PSPC1: variants seen among roughly 807,000 people sequenced by gnomAD.
The protein encoded by PSPC1 is paraspeckle protein 1.
PSPC1 carries 14 observed loss-of-function variants against 51.6 expected under a neutral mutation model. The ratio of observed to expected loss-of-function variants is 0.27; its 90% CI spans 0.18 to 0.42. The LOEUF (loss-of-function observed/expected upper bound fraction) is 0.42, where lower values mean the gene tolerates loss of function less well. Ranked by LOEUF, PSPC1 falls within the 10% of genes least tolerant of loss-of-function variation. PSPC1 has a pLI of 1.00. For synonymous variants in PSPC1, 193 were observed against 231.9 expected (o/e 0.83, Z 1.53); for missense variants, 406 against 701.1 (o/e 0.58, Z 4.75).
intron 2 of PSPC1, among the ~76,000 whole-genome samples, chr13:19,768,289 A>T (rs973641804): frequency 6.6e-6 from 1 of 152,086 alleles, no homozygotes; most frequent in Non-Finnish European, 1.5e-5. Flanking sequence ...ACTGGCAGGA[A>T]GATTTATAAT....
intron 3 of PSPC1, among the ~76,000 whole-genome samples, chr13:19,758,175 T>C (rs1266582539): frequency 6.6e-6 from 1 of 151,874 alleles, no homozygotes; most frequent in Admixed American, 6.6e-5. Flanking sequence ...TAGCCAGGCA[T>C]GGTGGTGGGC....
intron 1 of PSPC1, among the ~76,000 whole-genome samples, chr13:19,774,173 T>C (rs149975928): frequency 7.3e-4 from 111 of 152,310 alleles, no homozygotes; most frequent in African/African-American, 2.5e-3. Flanking sequence ...AAAGTTGGTG[T>C]AGAATATGGG....
At chr13:19,750,082 T>C (rs1319138969) in intron 4 of PSPC1, among the ~76,000 whole-genome samples, 1 of 152,094 alleles carries the variant, frequency 6.6e-6, no homozygotes, top group Non-Finnish European at 1.5e-5. Context: ...CAAGTGAGAA[T>C]TTACCCAAAA....
intron 6 of PSPC1, among the ~76,000 whole-genome samples, chr13:19,689,394 T>TC (rs1352528370): frequency 3.3e-5 from 5 of 152,280 alleles, no homozygotes; most frequent in Admixed American, 1.3e-4. Flanking sequence ...ATAGATTAGC[T>TC]ATATAGAAAA....
chr13:19,707,348 A>T (rs1479964421), intron 7 of PSPC1, among the ~76,000 whole-genome samples: 4 of 152,182 alleles, frequency 2.6e-5, no homozygotes, highest in Non-Finnish European at 5.9e-5. Flanking sequence ...AATAAATTTA[A>T]AGATATAAAA....
At chr13:19,767,629 A>G (rs1888199713) in intron 2 of PSPC1, among the ~76,000 whole-genome samples, 1 of 151,106 alleles carries the variant, frequency 6.6e-6, no homozygotes, top group African/African-American at 2.5e-5. Flanking sequence ...TGGTCAATGA[A>G]ACAAAAAAGT....
chr13:19,750,124 T>C (rs1228945295), intron 4 of PSPC1, among the ~76,000 whole-genome samples: 4 of 152,146 alleles, frequency 2.6e-5, no homozygotes, highest in African/African-American at 9.7e-5. Context: ...AAATTTCACC[T>C]GCTAAGAAAA....
intron 6 of PSPC1, among the ~76,000 whole-genome samples, chr13:19,712,662 A>G (rs1006657640): frequency 1.3e-5 from 2 of 152,142 alleles, no homozygotes; most frequent in African/African-American, 4.8e-5. Context: ...GATAATCAGA[A>G]TATCTTAGAA....
chr13:19,703,123 A>C lies in PSPC1; in HGVS notation c.*52T>G. The stretch of plus-strand genomic sequence containing the variant: ...CTTCCAGATAACAGGTAAAAGTATA[A>C]AGGCATACCACTGACTTTTTTTTTT... On this transcript the variant is annotated 3_prime_UTR_variant, in exon 9 of 9. Transcript: ENST00000338910. The C allele has an allele frequency of 6.4e-7, 1 of 1,551,568 alleles. No homozygotes were observed. Among genetic ancestry groups the C allele is most frequent in the Non-Finnish European group, 8.9e-7 (1 of 1,128,406 alleles).
At chr13:19,781,970 T>C (rs1262400453) in intron 1 of PSPC1, among the ~76,000 whole-genome samples, 1 of 152,224 alleles carries the variant, frequency 6.6e-6, no homozygotes, top group Non-Finnish European at 1.5e-5. Context: ...TCGTTTTTTA[T>C]GGCACGATTT....
At chr13:19,694,475 C>T (rs913494895) in intron 6 of PSPC1, among the ~76,000 whole-genome samples, 4 of 152,112 alleles carry the variant, frequency 2.6e-5, no homozygotes, top group South Asian at 2.1e-4. Context: ...ATTATCACTT[C>T]GGCATATGCC....
chr13:19,698,930 T>C (rs1368542024), downstream of PSPC1, among the ~76,000 whole-genome samples: 7 of 151,788 alleles, frequency 4.6e-5, no homozygotes, highest in Admixed American at 4.6e-4. Flanking sequence ...AAAAAACACA[T>C]ACACTGTTAA....
intron 6 of PSPC1, among the ~76,000 whole-genome samples, chr13:19,718,403 T>C (rs1470975374): frequency 2.0e-5 from 3 of 152,208 alleles, no homozygotes; most frequent in Non-Finnish European, 4.4e-5. Flanking sequence ...GCAAATTACA[T>C]TGACGGAACT....
downstream of PSPC1, among the ~76,000 whole-genome samples, chr13:19,699,938 A>G (rs1879703048): frequency 6.6e-6 from 1 of 152,018 alleles, no homozygotes; most frequent in Non-Finnish European, 1.5e-5. Context: ...CACTTAAATA[A>G]TACCTTACTC....
intron 6 of PSPC1, among the ~76,000 whole-genome samples, chr13:19,688,254 C>G (rs542692167): frequency 6.6e-6 from 1 of 152,248 alleles, no homozygotes; most frequent in South Asian, 2.1e-4. Flanking sequence ...TGTAATCCGT[C>G]AAGGTACCAA....
chr13:19,702,934 C>T lies in PSPC1; in HGVS notation c.*241G>A, dbSNP rs1377095031. On this transcript the variant is annotated 3_prime_UTR_variant, in exon 9 of 9. Transcript: ENST00000338910. Reference sequence around the variant, plus strand: ...ATAGATTTCACAGTACTATGGAATACTTATATTTAGCTAAAGTCACAAACA... The same window carrying T: ...ATAGATTTCACAGTACTATGGAATATTTATATTTAGCTAAAGTCACAAACA... 2.2e-5 allele frequency: 8 copies of T among 369,164 alleles called. No homozygotes were observed. The highest frequency in any genetic ancestry group is 3.6e-5 in the Non-Finnish European group (7 of 194,504). The allele number at this position is 369,164 out of a possible 1,614,324, so 22.9% of individuals were successfully genotyped here.
rs1166222409 is a variant in PSPC1 at position 19,729,532 on chromosome 13, G to GT, written c.1158+706dup. 4.4e-5 allele frequency among the ~76,000 whole-genome samples: 6 copies of GT among 135,696 alleles called. No individual in the cohort carries two copies. In the Admixed American group the frequency reaches 4.5e-4, roughly 10 times the overall value. The allele number at this position is 135,696 out of a possible 152,430, so 89.0% of individuals were successfully genotyped here. ...AGCCTGGTTGACAGAGCAAGATTCC[G>GT]TCTCAAAAAAAAAAAAAAGGTTACT... On this transcript the variant is annotated intron_variant, in intron 6 of 8. Transcript: ENST00000338910.
intron 6 of PSPC1, among the ~76,000 whole-genome samples, chr13:19,694,095 C>T (rs1374225323): frequency 7.6e-5 from 9 of 118,384 alleles, no homozygotes; most frequent in Non-Finnish European, 1.3e-4. Context: ...TGCACTCCAG[C>T]CTGGGTGACA....
At chr13:19,684,808 G>A (rs1012796347) in intron 6 of PSPC1, among the ~76,000 whole-genome samples, 2 of 152,110 alleles carry the variant, frequency 1.3e-5, no homozygotes, top group Non-Finnish European at 2.9e-5. Flanking sequence ...TGCCCCATTT[G>A]GCATGAACTC....
Sources: allele counts gnomAD v4.1 joint callset (sites outside exome capture counted in the v4.1 genomes callset), GRCh38; gene constraint gnomAD v4.1.1; transcripts MANE v1.5; gene names NCBI Gene and HGNC (gene_info 2026-07-23, HGNC 2026-07-21).